Variants in STARD13 observed in about 807,000 individuals in gnomAD.
The protein encoded by STARD13 is StAR related lipid transfer domain containing 13, also known as stAR-related lipid transfer protein 13.
Under a neutral mutation model 106.4 loss-of-function variants are expected in STARD13, and 62 were observed. That is an observed-to-expected ratio of 0.58 (90% CI 0.48 to 0.72). The LOEUF is 0.72. Among genes scored for constraint, STARD13 ranks in the 30% least tolerant of loss-of-function variants. STARD13 has a pLI of 0.00. For synonymous variants in STARD13, 565 were observed against 553.0 expected, an observed-to-expected ratio of 1.02 and a Z score of -0.31; for missense variants, 1,387 against 1,424.0, an observed-to-expected ratio of 0.97 and a Z score of 0.42.
the STARD13 span, among the ~76,000 whole-genome samples, chr13:33,474,514 T>C: frequency 6.6e-6 from 1 of 152,232 alleles, no homozygotes; most frequent in Admixed American, 6.5e-5. Context: ...ACAAATTGAC[T>C]TATAAATGAA....
the STARD13 span, among the ~76,000 whole-genome samples, chr13:33,551,336 A>C: frequency 6.6e-6 from 1 of 152,180 alleles, no homozygotes; most frequent in Non-Finnish European, 1.5e-5. Context: ...GTGATCCATC[A>C]TATGAGGTCA....
chr13:33,616,595 A>G, the STARD13 span, among the ~76,000 whole-genome samples: 2 of 152,212 alleles, frequency 1.3e-5, no homozygotes, highest in African/African-American at 2.4e-5. Context: ...TATGCCATCC[A>G]TGGCAAACAC....
At chr13:33,576,773 TATTTA>T in the STARD13 span, among the ~76,000 whole-genome samples, 2 of 152,196 alleles carry the variant, frequency 1.3e-5, no homozygotes, top group African/African-American at 2.4e-5. Flanking sequence ...CATATTACAA[TATTTA>T]ATTAGACATT....
chr13:33,375,393 A>G, the STARD13 span, among the ~76,000 whole-genome samples: 2 of 152,214 alleles, frequency 1.3e-5, no homozygotes, highest in Non-Finnish European at 2.9e-5. Flanking sequence ...ACATTCAATC[A>G]GGTTAAGTTT....
the STARD13 span, chr13:33,524,164 C>A: frequency 2.4e-6 from 2 of 843,482 alleles, no homozygotes; most frequent in South Asian, 2.3e-5. Context: ...GCTGTTTTTA[C>A]CTTGGTGAAT....
intron 1 of STARD13, among the ~76,000 whole-genome samples, chr13:33,316,185 T>A (rs1428776500): frequency 6.6e-6 from 1 of 152,174 alleles, no homozygotes; most frequent in African/African-American, 2.4e-5. Flanking sequence ...CTTCTCTAAT[T>A]CTCTTCAGGC....
the STARD13 span, among the ~76,000 whole-genome samples, chr13:33,614,495 C>T: frequency 0.015 from 2,252 of 152,202 alleles, 21 homozygotes; most frequent in Non-Finnish European, 0.023. Flanking sequence ...TCCACCCTTC[C>T]GCATGTCAGG....
the STARD13 span, among the ~76,000 whole-genome samples, chr13:33,655,007 T>C: frequency 2.0e-5 from 3 of 152,358 alleles, no homozygotes; most frequent in Non-Finnish European, 2.9e-5. Flanking sequence ...CCCTCACCCC[T>C]GGAGGTGTGT....
chr13:33,398,950 G>A, the STARD13 span, among the ~76,000 whole-genome samples: 125 of 152,198 alleles, frequency 8.2e-4, no homozygotes, highest in African/African-American at 2.5e-3. Context: ...TCATGTGAAC[G>A]TTCATAGCAG....
chr13:33,386,563 G>T, the STARD13 span, among the ~76,000 whole-genome samples: 1 of 151,970 alleles, frequency 6.6e-6, no homozygotes, highest in African/African-American at 2.4e-5. Context: ...ACCTCCTCTG[G>T]GGGGGTCGAC....
At chr13:33,282,479 C>T (rs1429705952) in intron 1 of STARD13, among the ~76,000 whole-genome samples, 1 of 152,118 alleles carries the variant, frequency 6.6e-6, no homozygotes, top group Admixed American at 6.6e-5. Flanking sequence ...ATGTGCACGC[C>T]ATTCAATGAT....
chr13:33,419,630 A>G, the STARD13 span, among the ~76,000 whole-genome samples: 1 of 152,224 alleles, frequency 6.6e-6, no homozygotes, highest in Middle Eastern at 3.2e-3. Context: ...CTCTTCAAGA[A>G]GAGCAACCCC....
chr13:33,132,236 C>A (rs1878406046), intron 4 of STARD13, among the ~76,000 whole-genome samples: 1 of 152,142 alleles, frequency 6.6e-6, no homozygotes, highest in Admixed American at 6.5e-5. Context: ...TGTGTTCCCA[C>A]CAAAATCTAA....
At chr13:33,391,317 A>G in the STARD13 span, among the ~76,000 whole-genome samples, 1 of 152,162 alleles carries the variant, frequency 6.6e-6, no homozygotes, top group Non-Finnish European at 1.5e-5. Context: ...GTCTTTTAAC[A>G]TTCACTGCAT....
the STARD13 span, among the ~76,000 whole-genome samples, chr13:33,541,433 T>C: frequency 6.6e-6 from 1 of 152,220 alleles, no homozygotes; most frequent in Non-Finnish European, 1.5e-5. Flanking sequence ...CAATCTTGAA[T>C]GATATTGCAA....
the STARD13 span, among the ~76,000 whole-genome samples, chr13:33,431,914 C>A: frequency 6.6e-6 from 1 of 152,152 alleles, no homozygotes; most frequent in Non-Finnish European, 1.5e-5. Context: ...GGAACCATTA[C>A]AAAGTATCTT....
At chr13:33,153,106 C>T (rs1437007169) in intron 3 of STARD13, among the ~76,000 whole-genome samples, 2 of 152,298 alleles carry the variant, frequency 1.3e-5, no homozygotes, top group South Asian at 2.1e-4. Flanking sequence ...TCTTCTCTAA[C>T]ATGAAGATGC....
intron 1 of STARD13, among the ~76,000 whole-genome samples, chr13:33,305,427 C>T (rs1892870101): frequency 6.6e-6 from 1 of 152,186 alleles, no homozygotes; most frequent in South Asian, 2.1e-4. Flanking sequence ...TAGCAGGACA[C>T]TTTATACAGA....
the STARD13 span, among the ~76,000 whole-genome samples, chr13:33,427,527 T>C: frequency 6.6e-6 from 1 of 152,192 alleles, no homozygotes; most frequent in African/African-American, 2.4e-5. Context: ...TCCCTTTTTT[T>C]CCACTTGAAA....
Sources: gnomAD v4.1 joint callset for allele counts (sites outside exome capture counted in the v4.1 genomes callset) on GRCh38, gnomAD v4.1.1 for gene constraint, MANE v1.5 for transcripts, NCBI Gene and HGNC (gene_info 2026-07-23, HGNC 2026-07-21) for gene names.